The following ABHD12 variants were observed in gnomAD, a reference collection of about 807,000 sequenced individuals.
The protein encoded by ABHD12 is lysophosphatidylserine lipase ABHD12.
Under a neutral mutation model 58.3 loss-of-function variants are expected in ABHD12, and 43 were observed. The ratio of observed to expected loss-of-function variants is 0.74; its 90% CI spans 0.58 to 0.95. The LOEUF is 0.95. Ranked by LOEUF, ABHD12 falls within the 40% of genes least tolerant of loss-of-function variation. The pLI is 0.00. For synonymous variants in ABHD12, 219 were observed against 211.2 expected (o/e 1.04, Z -0.32); for missense variants, 539 against 537.2 (o/e 1.00, Z -0.03).
At chr20:25,328,597 C>G (rs1397600042) in intron 2 of ABHD12, among the ~76,000 whole-genome samples, 2 of 152,246 alleles carry the variant, frequency 1.3e-5, no homozygotes, top group Admixed American at 6.5e-5. Context: ...TCCAAGAGTT[C>G]TGAGAGCATT....
chr20:25,327,747 A>C (rs1333252776), intron 2 of ABHD12, among the ~76,000 whole-genome samples: 1 of 152,214 alleles, frequency 6.6e-6, no homozygotes, highest in Non-Finnish European at 1.5e-5. Flanking sequence ...GTTGTGGTTT[A>C]GGAGTCATGA....
chr20:25,307,037 G>C (rs1600767827), intron 9 of ABHD12, 122 bp from the exon 10 acceptor site: 4 of 731,470 alleles, frequency 5.5e-6, no homozygotes, highest in Non-Finnish European at 9.6e-6. Flanking sequence ...CCCTACCTAA[G>C]GGAGCAGGGG....
chr20:25,372,539 A>G (rs1283165228), intron 1 of ABHD12, among the ~76,000 whole-genome samples: 1 of 151,952 alleles, frequency 6.6e-6, no homozygotes, highest in Non-Finnish European at 1.5e-5. Flanking sequence ...AAACTTCACT[A>G]TTTTGCCTTT....
In ABHD12 at chr20:25,300,946, G is replaced by T. The variant is rs1184312996; in HGVS notation, c.1158-62C>A. 3 of 1,531,492 alleles carry T rather than the reference G, an allele frequency of 2.0e-6. No individual in the cohort carries two copies. In the Admixed American group the frequency reaches 5.1e-5, roughly 26 times the overall value. 94.9% of individuals were successfully genotyped at this position (1,531,492 alleles called of 1,614,324 possible). On this transcript the variant is annotated intron_variant, in intron 12 of 12. Coordinates refer to ENST00000339157, the MANE Select transcript of ABHD12 (RefSeq NM_001042472.3). Reference sequence around the variant, plus strand: ...CTCAGACCAAAGATCCTTCTCCACAGTCCTCACACTGCTATCTAAGGAAGC... The same window carrying T: ...CTCAGACCAAAGATCCTTCTCCACATTCCTCACACTGCTATCTAAGGAAGC...
intron 1 of ABHD12, among the ~76,000 whole-genome samples, chr20:25,364,110 C>T (rs1448664937): frequency 2.0e-5 from 3 of 152,192 alleles, no homozygotes; most frequent in Non-Finnish European, 4.4e-5. Flanking sequence ...GGCCCCAGGA[C>T]CCTGCCTTTC....
intron 1 of ABHD12, among the ~76,000 whole-genome samples, chr20:25,354,984 GA>G (rs1477828938): frequency 7.2e-5 from 11 of 152,092 alleles, no homozygotes; most frequent in African/African-American, 2.7e-4. Flanking sequence ...AGACTACTTT[GA>G]AGAACAAAGA....
At chr20:25,371,338 T>A (rs763485128) in intron 1 of ABHD12, among the ~76,000 whole-genome samples, 2 of 152,308 alleles carry the variant, frequency 1.3e-5, no homozygotes, top group Middle Eastern at 3.4e-3. Flanking sequence ...CTTAGAACAC[T>A]GTTTACAACC....
At chr20:25,341,052 T>C (rs1332895228) in intron 1 of ABHD12, among the ~76,000 whole-genome samples, 1 of 152,262 alleles carries the variant, frequency 6.6e-6, no homozygotes, top group African/African-American at 2.4e-5. Flanking sequence ...ATAAAGCTGA[T>C]GACAAATATG....
At chr20:25,338,975 A>G in intron 2 of ABHD12, 1 of 1,259,498 alleles carries the variant, frequency 7.9e-7, no homozygotes, top group Non-Finnish European at 1.0e-6. Flanking sequence ...TAGCACAGAA[A>G]GTCCTCCAGC....
downstream of ABHD12, among the ~76,000 whole-genome samples, chr20:25,296,100 CG>C (rs1287371570): frequency 1.3e-5 from 2 of 152,118 alleles, no homozygotes; most frequent in African/African-American, 4.8e-5. Context: ...CTATCCCTAT[CG>C]TCGTCCTGGG....
chr20:25,325,981 G>C (rs933671647), intron 2 of ABHD12, among the ~76,000 whole-genome samples: 5 of 151,418 alleles, frequency 3.3e-5, no homozygotes, highest in African/African-American at 1.2e-4. Context: ...TGAGGCAGGA[G>C]AATGGCTTGA....
At chr20:25,385,655 G>A (rs945764879) in intron 1 of ABHD12, among the ~76,000 whole-genome samples, 1 of 151,040 alleles carries the variant, frequency 6.6e-6, no homozygotes, top group South Asian at 2.1e-4. Flanking sequence ...GACCAGCCTA[G>A]GCAACGTGGC....
intron 1 of ABHD12, among the ~76,000 whole-genome samples, chr20:25,366,999 T>C (rs929825180): frequency 6.6e-6 from 1 of 152,212 alleles, no homozygotes; most frequent in Non-Finnish European, 1.5e-5. Flanking sequence ...GAGATCTCTG[T>C]ATATTTTTTC....
chr20:25,364,713 AC>A (rs2089796277), intron 1 of ABHD12, among the ~76,000 whole-genome samples: 1 of 152,248 alleles, frequency 6.6e-6, no homozygotes, highest in African/African-American at 2.4e-5. Flanking sequence ...TTAAGATGAC[AC>A]ATAGAAATGC....
intron 2 of ABHD12, among the ~76,000 whole-genome samples, chr20:25,327,887 A>G (rs536876565): frequency 1.3e-5 from 2 of 152,222 alleles, no homozygotes; most frequent in African/African-American, 2.4e-5. Flanking sequence ...GGCACCATCC[A>G]GATTGATAAA....
chr20:25,295,712 G>C (rs755915223), downstream of ABHD12: 1 of 1,551,852 alleles, frequency 6.4e-7, no homozygotes, highest in Non-Finnish European at 8.9e-7. Flanking sequence ...CAGCTGGGTG[G>C]GTCCATGTAG....
intron 1 of ABHD12, among the ~76,000 whole-genome samples, chr20:25,348,209 CA>C (rs1245190310): frequency 2.1e-3 from 271 of 130,798 alleles, no homozygotes; most frequent in Admixed American, 7.8e-3. Context: ...GACTCTGTCT[CA>C]AAAAAAAAAA....
chr20:25,313,086 C>T (rs1481371849), intron 6 of ABHD12, among the ~76,000 whole-genome samples: 1 of 152,264 alleles, frequency 6.6e-6, no homozygotes, highest in Non-Finnish European at 1.5e-5. Flanking sequence ...GGGAGGTGTA[C>T]CCAACAGCTC....
intron 6 of ABHD12, among the ~76,000 whole-genome samples, chr20:25,312,657 G>A (rs1246166129): frequency 1.3e-5 from 2 of 151,660 alleles, no homozygotes; most frequent in African/African-American, 2.4e-5. Context: ...GGGATGTGAG[G>A]AGCCCCTCTG....
Sources: allele counts gnomAD v4.1 joint callset (sites outside exome capture counted in the v4.1 genomes callset), GRCh38; gene constraint gnomAD v4.1.1; transcripts MANE v1.5; gene names NCBI Gene and HGNC (gene_info 2026-07-23, HGNC 2026-07-21).